The following NCKAP5 variants were observed in gnomAD, a reference collection of about 807,000 sequenced individuals.
NCKAP5 encodes the protein nck-associated protein 5.
In NCKAP5, 92 loss-of-function variants were observed where a neutral mutation model predicts 167.0. That is an observed-to-expected ratio of 0.55 (90% CI 0.47 to 0.66). The LOEUF is 0.66. Ranked by LOEUF, NCKAP5 falls within the 30% of genes least tolerant of loss-of-function variation. NCKAP5 has a pLI of 0.00. For synonymous variants in NCKAP5, 891 were observed against 877.4 expected (o/e 1.02, Z -0.27); for missense variants, 2,378 against 2,315.0 (o/e 1.03, Z -0.56).
chr2:132,714,230 G>A (rs190769314), intron 19 of NCKAP5, among the ~76,000 whole-genome samples: 282 of 152,310 alleles, frequency 1.9e-3, no homozygotes, highest in Non-Finnish European at 3.5e-3. Context: ...GCTAATTTAT[G>A]AGGGAAGTTT....
chr2:133,254,634 A>G (rs1020432909), intron 4 of NCKAP5, among the ~76,000 whole-genome samples: 1 of 152,188 alleles, frequency 6.6e-6, no homozygotes, highest in Non-Finnish European at 1.5e-5. Context: ...CGTCCTTCAC[A>G]TACATAATCT....
chr2:133,187,678 T>A (rs747494056), intron 5 of NCKAP5, among the ~76,000 whole-genome samples: 20 of 152,070 alleles, frequency 1.3e-4, no homozygotes, highest in Non-Finnish European at 2.2e-4. Flanking sequence ...AGATGTCAAT[T>A]TTCCCAAATT....
chr2:133,487,174 C>A (rs77758322), intron 3 of NCKAP5, among the ~76,000 whole-genome samples: 1 of 152,150 alleles, frequency 6.6e-6, no homozygotes, highest in African/African-American at 2.4e-5. Context: ...TAGGAATGGA[C>A]GTTATTCAAC....
chr2:133,227,787 T>C (rs1464623975), intron 4 of NCKAP5, among the ~76,000 whole-genome samples: 14 of 152,184 alleles, frequency 9.2e-5, no homozygotes, highest in African/African-American at 3.1e-4. Context: ...TCTTTTCTAA[T>C]CTTTTCAGGA....
At chr2:133,364,865 CT>C (rs1286648589) in intron 3 of NCKAP5, among the ~76,000 whole-genome samples, 2 of 151,976 alleles carry the variant, frequency 1.3e-5, no homozygotes, top group African/African-American at 4.8e-5. Flanking sequence ...AGCAATGCAC[CT>C]CAGCCTCCTG....
At chr2:133,589,052 C>A in the NCKAP5 span, among the ~76,000 whole-genome samples, 100,087 of 152,002 alleles carry the variant, frequency 0.66, 34,295 homozygotes, top group East Asian at 0.95. Flanking sequence ...ATGTGGACCC[C>A]CTAGTGGGTT....
intron 5 of NCKAP5, among the ~76,000 whole-genome samples, chr2:133,197,325 T>C (rs1455395944): frequency 6.6e-6 from 1 of 152,130 alleles, no homozygotes; most frequent in African/African-American, 2.4e-5. Context: ...AAAAGTATTG[T>C]GAACACTATG....
At chr2:133,106,097 T>C (rs913250150) in intron 6 of NCKAP5, among the ~76,000 whole-genome samples, 1 of 151,466 alleles carries the variant, frequency 6.6e-6, no homozygotes, top group African/African-American at 2.4e-5. Flanking sequence ...ATGGAGACCA[T>C]CCTGGCTAAA....
At chr2:132,907,513 A>G (rs1694090751) in intron 8 of NCKAP5, among the ~76,000 whole-genome samples, 1 of 152,170 alleles carries the variant, frequency 6.6e-6, no homozygotes, top group Non-Finnish European at 1.5e-5. Context: ...TGTAGGTGGG[A>G]AAAGATACTT....
chr2:132,953,336 G>A (rs531621963), intron 8 of NCKAP5, among the ~76,000 whole-genome samples: 1 of 152,174 alleles, frequency 6.6e-6, no homozygotes, highest in South Asian at 2.1e-4. Context: ...AAGACTCACA[G>A]TTCAAGTGCA....
chr2:133,134,531 A>G (rs545129579), intron 5 of NCKAP5, among the ~76,000 whole-genome samples: 1 of 152,332 alleles, frequency 6.6e-6, no homozygotes, highest in African/African-American at 2.4e-5. Context: ...ACCATGGTGG[A>G]GAAAAAGAAG....
chr2:132,727,170 G>A (rs1304308138), intron 18 of NCKAP5, among the ~76,000 whole-genome samples: 1 of 152,194 alleles, frequency 6.6e-6, no homozygotes, highest in Non-Finnish European at 1.5e-5. Flanking sequence ...GTGGATGTAT[G>A]TCTTATGTGA....
the NCKAP5 span, among the ~76,000 whole-genome samples, chr2:133,627,097 C>G: frequency 6.6e-6 from 1 of 151,650 alleles, no homozygotes; most frequent in Non-Finnish European, 1.5e-5. Context: ...AACATATTGG[C>G]CATAAAAATT....
At chr2:133,476,878 A>G (rs999893980) in intron 3 of NCKAP5, among the ~76,000 whole-genome samples, 3 of 152,210 alleles carry the variant, frequency 2.0e-5, no homozygotes, top group African/African-American at 7.2e-5. Flanking sequence ...TGATGCTGTT[A>G]TAATTACCTC....
chr2:133,491,009 GCTGTGGAAA>G (rs1181616031), intron 3 of NCKAP5, among the ~76,000 whole-genome samples: 1 of 152,186 alleles, frequency 6.6e-6, no homozygotes, highest in African/African-American at 2.4e-5. Context: ...GAAATGCTAA[GCTGTGGAAA>G]CAGGAGAAGA....
chr2:132,681,787 T>C (rs1685268545), intron 19 of NCKAP5, among the ~76,000 whole-genome samples: 1 of 152,162 alleles, frequency 6.6e-6, no homozygotes, highest in Non-Finnish European at 1.5e-5. Context: ...CCTATATAAA[T>C]AACTAGATGA....
intron 3 of NCKAP5, among the ~76,000 whole-genome samples, chr2:133,496,867 T>G (rs978207991): frequency 5.3e-5 from 8 of 152,196 alleles, no homozygotes; most frequent in African/African-American, 1.9e-4. Context: ...CCCAAGTATA[T>G]TTGCAAAGAA....
intron 11 of NCKAP5, among the ~76,000 whole-genome samples, chr2:132,854,879 C>G (rs150728969): frequency 6.6e-6 from 1 of 152,020 alleles, no homozygotes; most frequent in Non-Finnish European, 1.5e-5. Context: ...CAAAGTGGAA[C>G]AGTTGAAGGA....
chr2:132,808,593 C>A (rs563000224), intron 11 of NCKAP5, among the ~76,000 whole-genome samples: 1 of 151,960 alleles, frequency 6.6e-6, no homozygotes, highest in Non-Finnish European at 1.5e-5. Context: ...ATTTCAGTGG[C>A]GTCAGTTGTA....
Sources: allele counts gnomAD v4.1 joint callset (sites outside exome capture counted in the v4.1 genomes callset), GRCh38; gene constraint gnomAD v4.1.1; transcripts MANE v1.5; gene names NCBI Gene and HGNC (gene_info 2026-07-23, HGNC 2026-07-21).